The following LRRC7 variants were observed in gnomAD, a reference collection of about 807,000 sequenced individuals.
The protein encoded by LRRC7 is leucine rich repeat containing 7.
A neutral mutation model predicts 175.7 loss-of-function variants in LRRC7; 23 were observed. That is an observed-to-expected ratio of 0.13 (90% CI 0.09 to 0.19). The LOEUF (loss-of-function observed/expected upper bound fraction) is 0.19. LRRC7 is among the 10% of genes least tolerant of loss of function. The pLI is 1.00. For missense variants in LRRC7, 1,354 were observed against 1,904.7 expected, an observed-to-expected ratio of 0.71 and a Z score of 5.38; for synonymous variants, 685 against 680.9, an observed-to-expected ratio of 1.01 and a Z score of -0.09.
chr1:69,834,064 G>A lies in LRRC7; in HGVS notation c.501-716G>A, dbSNP rs939583506. On this transcript the variant is annotated intron_variant, in intron 5 of 26. Transcript: ENST00000651989. ...TGAATATGTCTCCTGAGAAATCCTTGAGTTAAATCTTTTTACATTTAAAAT... is the reference window on the plus strand; with the variant it reads ...TGAATATGTCTCCTGAGAAATCCTTAAGTTAAATCTTTTTACATTTAAAAT... Among the ~76,000 whole-genome samples, 3 of 152,026 alleles carry A rather than the reference G, an allele frequency of 2.0e-5. No individual in the cohort carries two copies. In the East Asian group the frequency reaches 5.8e-4, roughly 29 times the overall value.
At chr1:69,910,134 G>T (rs1057396134) in intron 7 of LRRC7, among the ~76,000 whole-genome samples, 3 of 151,988 alleles carry the variant, frequency 2.0e-5, no homozygotes, top group Non-Finnish European at 4.4e-5. Flanking sequence ...GCTCCTTTAA[G>T]GACTTCTCTG....
At chr1:70,077,173 AT>A (rs1226723540) in intron 24 of LRRC7, among the ~76,000 whole-genome samples, 1 of 152,000 alleles carries the variant, frequency 6.6e-6, no homozygotes, top group Non-Finnish European at 1.5e-5. Context: ...CATTCTCCAG[AT>A]TTTCCCTTTA....
chr1:69,777,228 C>T (rs910840001), intron 3 of LRRC7, among the ~76,000 whole-genome samples: 3 of 152,094 alleles, frequency 2.0e-5, no homozygotes, highest in Admixed American at 6.6e-5. Context: ...ATGCCAACAG[C>T]AGGAGGAACT....
At chr1:70,068,616 G>C (rs1377271208) in intron 23 of LRRC7, among the ~76,000 whole-genome samples, 1 of 151,190 alleles carries the variant, frequency 6.6e-6, no homozygotes, top group Non-Finnish European at 1.5e-5. Flanking sequence ...TGTTTGTTTT[G>C]TTTTTTTATT....
rs1458159008 is a variant in LRRC7, at chr1:70,124,017, G to T, written c.*2130G>T. Among the ~76,000 whole-genome samples, 1 of 152,142 alleles carries T rather than the reference G, an allele frequency of 6.6e-6. No individual in the cohort carries two copies. Among genetic ancestry groups the T allele is most frequent in the African/African-American group, 2.4e-5 (1 of 41,436 alleles). ...TCAGGAGATCCTTCTAAGACACACA[G>T]CTGAAAGGATCATAATCCTAGTAAA... On this transcript the variant is annotated 3_prime_UTR_variant, in exon 27 of 27. Transcript: ENST00000651989.
intron 2 of LRRC7, among the ~76,000 whole-genome samples, chr1:69,724,522 A>G (rs369819049): frequency 5.9e-5 from 9 of 152,246 alleles, no homozygotes; most frequent in African/African-American, 2.2e-4. Flanking sequence ...TATAAATCAA[A>G]TTGGACAAAT....
In LRRC7 at chr1:69,945,846, C is replaced by A. The variant is rs193295132; in HGVS notation, c.711+14276C>A. Among the ~76,000 whole-genome samples the A allele has an allele frequency of 5.0e-3, 760 of 152,232 alleles. 7 individuals are homozygous for A. The highest frequency in any genetic ancestry group is 0.017 in the African/African-American group (689 of 41,558). Reference sequence around the variant, plus strand: ...TTTATGTTGATTTTGTATCCCACAACTTTACTGAATTTGTTTATTAGTTCT... The same window carrying A: ...TTTATGTTGATTTTGTATCCCACAAATTTACTGAATTTGTTTATTAGTTCT... On this transcript the variant is annotated intron_variant, in intron 8 of 26. Coordinates refer to ENST00000651989, the MANE Select transcript of LRRC7 (RefSeq NM_001370785.2).
At chr1:69,995,498 A>C (rs1654852072) in intron 11 of LRRC7, among the ~76,000 whole-genome samples, 1 of 151,670 alleles carries the variant, frequency 6.6e-6, no homozygotes, top group Non-Finnish European at 1.5e-5. Context: ...GGTGCGCTGC[A>C]CCCACTAACT....
At position 69,682,831 on chromosome 1, in the gene LRRC7, C is replaced by T. The variant is rs190599252; in HGVS notation, c.100+4353C>T. On this transcript the variant is annotated intron_variant, in intron 2 of 26. Coordinates refer to ENST00000651989, the MANE Select transcript of LRRC7 (RefSeq NM_001370785.2). The stretch of plus-strand genomic sequence containing the variant: ...CTTTCCTGATTTTTCTATAGTCCCT[C>T]TGGTTACTCTTTTGCATGCTCAACT... Among the ~76,000 whole-genome samples the T allele has an allele frequency of 6.6e-4, 101 of 152,256 alleles. 1 individual carries two copies. Among genetic ancestry groups the T allele is most frequent in the Middle Eastern group, 3.4e-3 (1 of 294 alleles).
In LRRC7 at chr1:69,979,045, C is replaced by T. The variant is rs1216248069; in HGVS notation, c.712-1334C>T. 3.3e-5 allele frequency among the ~76,000 whole-genome samples: 5 copies of T among 152,256 alleles called. No homozygotes were observed. The East Asian group carries it at 9.6e-4, about 29-fold the overall frequency. The stretch of plus-strand genomic sequence containing the variant: ...AATGCTCCATCCTTAGACAGGCTCT[C>T]CTTTTTTTGTCATGCGTGAAGTTCC... On this transcript the variant is annotated intron_variant, in intron 8 of 26. Coordinates refer to ENST00000651989, the MANE Select transcript of LRRC7 (RefSeq NM_001370785.2).
intron 26 of LRRC7, among the ~76,000 whole-genome samples, chr1:70,118,516 C>T (rs574378745): frequency 7.1e-4 from 108 of 152,222 alleles, no homozygotes; most frequent in Non-Finnish European, 1.4e-3. Flanking sequence ...GATACAGCAA[C>T]AATTTTTTAA....
rs781546681 is a variant in LRRC7, at chr1:70,039,013, A to G, written c.3189A>G (p.Lys1063=). 18 of 1,614,052 alleles carry G rather than the reference A, an allele frequency of 1.1e-5. No homozygotes were observed. The highest frequency in any genetic ancestry group is 1.1e-5 in the Non-Finnish European group (13 of 1,179,992). The change falls in exon 21 of 27, where the codon AAA becomes AAG. Residue 1063 remains lysine (K), a synonymous_variant. Coordinates refer to ENST00000651989, the MANE Select transcript of LRRC7 (RefSeq NM_001370785.2). Reference sequence around the variant, plus strand: ...AACAACAAAAAGCTTCTATGACAAAAAAAGTCTATCAGTTTGACCAAAGCT... The same window carrying G: ...AACAACAAAAAGCTTCTATGACAAAGAAAGTCTATCAGTTTGACCAAAGCT... The part of the protein sequence containing the change: ...GPQQQKASMT[K]KVYQFDQSFN...
chr1:70,116,902 C>T (rs11804266), intron 26 of LRRC7, among the ~76,000 whole-genome samples: 19,301 of 152,048 alleles, frequency 0.13, 1,671 homozygotes, highest in African/African-American at 0.24. Flanking sequence ...TCTGAGATTC[C>T]TGCTCTTTCT....
chr1:69,923,178 T>G (rs1646947790), intron 7 of LRRC7, among the ~76,000 whole-genome samples: 2 of 152,212 alleles, frequency 1.3e-5, no homozygotes, highest in South Asian at 4.1e-4. Flanking sequence ...TAGTATTCCA[T>G]GGTGTATATG....
At chr1:69,673,191 G>A (rs930490962) in intron 1 of LRRC7, among the ~76,000 whole-genome samples, 3 of 152,178 alleles carry the variant, frequency 2.0e-5, no homozygotes, top group African/African-American at 7.2e-5. Context: ...ACTAGGACTT[G>A]ACCTCAACCT....
intron 2 of LRRC7, among the ~76,000 whole-genome samples, chr1:69,681,140 C>G (rs926791784): frequency 3.9e-5 from 6 of 152,034 alleles, no homozygotes; most frequent in Non-Finnish European, 8.8e-5. Context: ...ATTCTTGCAG[C>G]AATGTTAGAT....
chr1:69,752,334 T>C (rs139080246), intron 2 of LRRC7, among the ~76,000 whole-genome samples: 109 of 152,290 alleles, frequency 7.2e-4, no homozygotes, highest in African/African-American at 2.4e-3. Context: ...TGCCAACTAA[T>C]GAGGACAGCC....
At chr1:69,699,619 C>A (rs1393528553) in intron 2 of LRRC7, among the ~76,000 whole-genome samples, 1 of 152,162 alleles carries the variant, frequency 6.6e-6, no homozygotes, top group Non-Finnish European at 1.5e-5. Context: ...AATGTCCTTG[C>A]AACTCCTTCA....
At chr1:70,107,234 T>A (rs573047780) in intron 25 of LRRC7, among the ~76,000 whole-genome samples, 1 of 152,370 alleles carries the variant, frequency 6.6e-6, no homozygotes, top group East Asian at 1.9e-4. Flanking sequence ...TTTGTTCATA[T>A]ACATTTTATA....
Sources: gnomAD v4.1 joint callset for allele counts (sites outside exome capture counted in the v4.1 genomes callset) on GRCh38, gnomAD v4.1.1 for gene constraint, MANE v1.5 for transcripts, NCBI Gene and HGNC (gene_info 2026-07-23, HGNC 2026-07-21) for gene names.